Variants in CBR4 observed in about 807,000 individuals in gnomAD.
CBR4 encodes carbonyl reductase 4.
In CBR4, 22 loss-of-function variants were observed where a neutral mutation model predicts 21.0. The ratio of observed to expected loss-of-function variants is 1.05; its 90% CI spans 0.75 to 1.50. The LOEUF (loss-of-function observed/expected upper bound fraction) is 1.50, where lower values mean the gene tolerates loss of function less well. Ranked by LOEUF, CBR4 falls within the 40% of genes most tolerant of loss-of-function variation. CBR4 has a pLI of 0.00. For missense variants in CBR4, 302 were observed against 286.3 expected (o/e 1.05, Z -0.40); for synonymous variants, 100 against 104.4 (o/e 0.96, Z 0.26).
chr4:168,906,218 G>A (rs1290482953), intron 2 of CBR4, among the ~76,000 whole-genome samples: 1 of 152,170 alleles, frequency 6.6e-6, no homozygotes, highest in East Asian at 1.9e-4. Context: ...CTGGGAACCT[G>A]CTATTAATTT....
chr4:168,898,795 G>C, intron 2 of CBR4: 1 of 871,468 alleles, frequency 1.1e-6, no homozygotes, highest in Non-Finnish European at 1.9e-6. Context: ...GCCAGTAGGA[G>C]AAAGAGATAC....
chr4:168,900,294 T>G (rs1049830388), intron 2 of CBR4, among the ~76,000 whole-genome samples: 4 of 152,078 alleles, frequency 2.6e-5, no homozygotes, highest in African/African-American at 9.7e-5. Flanking sequence ...CAAACCATAT[T>G]AAGAGTCATA....
At chr4:168,994,723 C>T (rs891495848) in intron 4 of CBR4, among the ~76,000 whole-genome samples, 7 of 146,938 alleles carry the variant, frequency 4.8e-5, no homozygotes, top group South Asian at 2.2e-4. Flanking sequence ...GGACAACAGG[C>T]GCCTACCACC....
At chr4:168,997,299 C>G (rs547351993) in intron 4 of CBR4, among the ~76,000 whole-genome samples, 9 of 152,266 alleles carry the variant, frequency 5.9e-5, no homozygotes, top group African/African-American at 2.2e-4. Flanking sequence ...CAATTTAGAG[C>G]AAAGATACTT....
At chr4:168,894,858 G>A in intron 2 of CBR4, 1 of 907,484 alleles carries the variant, frequency 1.1e-6, no homozygotes, top group Non-Finnish European at 1.6e-6. Flanking sequence ...ACTATGTTAA[G>A]TGACTGACAG....
chr4:168,962,719 A>G (rs192913650), intron 2 of CBR4, among the ~76,000 whole-genome samples: 40 of 152,358 alleles, frequency 2.6e-4, no homozygotes, highest in African/African-American at 8.4e-4. Context: ...ATTTTTATAA[A>G]AAGTATCTAG....
intron 2 of CBR4, among the ~76,000 whole-genome samples, chr4:168,915,447 C>T (rs1295910275): frequency 6.6e-6 from 1 of 151,996 alleles, no homozygotes; most frequent in Non-Finnish European, 1.5e-5. Context: ...AATTTGTTTT[C>T]CTGCTTAATA....
intron 4 of CBR4, 36 bp from the exon 5 acceptor site, chr4:168,990,364 C>T (rs934096264): frequency 7.2e-7 from 1 of 1,396,638 alleles, no homozygotes; most frequent in African/African-American, 1.5e-5. Flanking sequence ...GAAAAGGGTA[C>T]ACACTAAGAC....
At chr4:168,915,890 T>C in intron 2 of CBR4, 1 of 1,611,620 alleles carries the variant, frequency 6.2e-7, no homozygotes. Context: ...CTTTCTTGTT[T>C]CAAGGCCTCG....
intron 2 of CBR4, among the ~76,000 whole-genome samples, chr4:168,981,651 C>T (rs1045522844): frequency 9.2e-5 from 14 of 152,172 alleles, no homozygotes; most frequent in Non-Finnish European, 1.8e-4. Context: ...GACTCATTAG[C>T]ATCCCTGAAA....
chr4:168,953,563 C>T (rs1364695176), intron 2 of CBR4, among the ~76,000 whole-genome samples: 1 of 151,656 alleles, frequency 6.6e-6, no homozygotes, highest in African/African-American at 2.4e-5. Context: ...GTAGCTGGGA[C>T]CACAGCATGC....
At chr4:168,954,934 G>C (rs554353945) in intron 2 of CBR4, among the ~76,000 whole-genome samples, 14 of 152,162 alleles carry the variant, frequency 9.2e-5, no homozygotes, top group Admixed American at 2.6e-4. Context: ...ATATGAACAG[G>C]ATATTTATAC....
chr4:168,963,563 T>C (rs1307190098), intron 2 of CBR4, among the ~76,000 whole-genome samples: 1 of 151,576 alleles, frequency 6.6e-6, no homozygotes, highest in Non-Finnish European at 1.5e-5. Context: ...CTTCGCCTAC[T>C]GGGTTCAAGC....
At chr4:168,934,239 T>G (rs1161573713) in intron 2 of CBR4, among the ~76,000 whole-genome samples, 1 of 108,220 alleles carries the variant, frequency 9.2e-6, no homozygotes, top group Non-Finnish European at 1.7e-5. Context: ...CAAGACCCAG[T>G]CTCCAAAACA....
At chr4:168,896,214 A>AG (rs1755129953) in intron 2 of CBR4, among the ~76,000 whole-genome samples, 1 of 151,948 alleles carries the variant, frequency 6.6e-6, no homozygotes. Flanking sequence ...ATCTCAAAAA[A>AG]AAAAAAAAAA....
At chr4:168,902,774 T>C (rs1293498411) in intron 2 of CBR4, among the ~76,000 whole-genome samples, 1 of 152,194 alleles carries the variant, frequency 6.6e-6, no homozygotes, top group African/African-American at 2.4e-5. Context: ...TTTACTTTTA[T>C]TTTTTACATT....
intron 2 of CBR4, chr4:168,903,937 C>G (rs1323982152): frequency 4.4e-6 from 7 of 1,598,068 alleles, no homozygotes; most frequent in Non-Finnish European, 6.0e-6. Context: ...GGGCTCAGTT[C>G]TGTGTCTAGT....
chr4:168,899,746 A>T (rs1242508440), intron 2 of CBR4, among the ~76,000 whole-genome samples: 1 of 151,934 alleles, frequency 6.6e-6, no homozygotes, highest in Non-Finnish European at 1.5e-5. Flanking sequence ...GTGAAACCCC[A>T]TCTCTACTAA....
chr4:168,911,597 G>T (rs1235534673), intron 2 of CBR4, among the ~76,000 whole-genome samples: 1 of 152,164 alleles, frequency 6.6e-6, no homozygotes, highest in East Asian at 1.9e-4. Context: ...CATGATGGAG[G>T]TCTTCTAAGC....
Sources: allele counts gnomAD v4.1 joint callset (sites outside exome capture counted in the v4.1 genomes callset), GRCh38; gene constraint gnomAD v4.1.1; transcripts MANE v1.5; gene names NCBI Gene and HGNC (gene_info 2026-07-23, HGNC 2026-07-21).